The following CLIC6 variants were observed in gnomAD, a reference collection of about 807,000 sequenced individuals.
The protein encoded by CLIC6 is CLIC family member 6.
CLIC6 carries 39 observed loss-of-function variants against 49.2 expected under a neutral mutation model. That is an observed-to-expected ratio of 0.79 (90% CI 0.61 to 1.04). CLIC6 has a LOEUF of 1.04. Among genes scored for constraint, CLIC6 ranks in the 50% least tolerant of loss-of-function variants. The pLI, the probability that CLIC6 is intolerant of heterozygous loss-of-function variation, is 0.00. For missense variants in CLIC6, 988 were observed against 993.1 expected (o/e 0.99, Z 0.07); for synonymous variants, 446 against 433.4 (o/e 1.03, Z -0.36).
At chr21:34,681,857 G>A (rs1989785681) in intron 1 of CLIC6, among the ~76,000 whole-genome samples, 4 of 152,144 alleles carry the variant, frequency 2.6e-5, no homozygotes, top group Admixed American at 6.5e-5. Context: ...AAAAGAAAAG[G>A]CAAAGAATTT....
At position 34,669,362 on chromosome 21, in the gene CLIC6, C is replaced by G. The variant is rs1300180227; in HGVS notation, c.-27C>G. On this transcript the variant is annotated 5_prime_UTR_variant, in exon 1 of 6. Coordinates refer to ENST00000349499, the MANE Select transcript of CLIC6 (RefSeq NM_053277.3). ...CCTTAAGCAGCGTCAAGGAAGGAGTCCCGATCAAGGACAGGGATCTGCGGC... is the reference window on the plus strand; with the variant it reads ...CCTTAAGCAGCGTCAAGGAAGGAGTGCCGATCAAGGACAGGGATCTGCGGC... The G allele has an allele frequency of 3.4e-5, 42 of 1,235,526 alleles. No homozygotes were observed. The highest frequency in any genetic ancestry group is 3.9e-5 in the Non-Finnish European group (39 of 989,604). 76.5% of individuals were successfully genotyped at this position (1,235,526 alleles called of 1,614,324 possible).
chr21:34,670,559 G>A lies in CLIC6; in HGVS notation c.1171G>A (p.Glu391Lys). The change falls in exon 1 of 6, where the codon GAG (glutamate) becomes AAG (lysine). Residue 391 changes from glutamate (E) to lysine (K), a missense_variant. Glu to Lys is a moderately conservative substitution (Grantham distance 56, BLOSUM62 1). Around this residue, in one of 3 missense-constraint regions of CLIC6, gnomAD observed 647 missense variants for 596.9 expected, o/e 1.08. Transcript: ENST00000349499. ...PREEEAAGGE[E>K]ESPDSSPHGE... is the part of the protein sequence containing the mutation. ...GGAGGAGGAAGCAGCGGGGGGCGAA[G>A]AGGAATCCCCCGACAGCAGCCCACA... 6.7e-7 allele frequency: 1 copy of A among 1,503,114 alleles called. No individual in the cohort carries two copies. Among genetic ancestry groups the A allele is most frequent in the Non-Finnish European group, 8.9e-7 (1 of 1,126,754 alleles). The allele number at this position is 1,503,114 out of a possible 1,614,324, so 93.1% of individuals were successfully genotyped here.
Position 34,713,150 on chromosome 21 carries a change from G to A in CLIC6, c.1900-3171G>A, listed in dbSNP as rs200545337. 8.5e-5 allele frequency among the ~76,000 whole-genome samples: 13 copies of A among 152,230 alleles called. 1 individual carries two copies. The East Asian group carries it at 1.7e-3, about 20-fold the overall frequency. On this transcript the variant is annotated intron_variant, in intron 5 of 5. Transcript: ENST00000349499. ...CAGAGTTGATTGAAAAGAAGGGGGTGGGGGGAGGAATGATAAAGACAAGAA... is the reference window on the plus strand; with the variant it reads ...CAGAGTTGATTGAAAAGAAGGGGGTAGGGGGAGGAATGATAAAGACAAGAA...
chr21:34,673,026 T>A (rs1989595936), intron 1 of CLIC6, among the ~76,000 whole-genome samples: 1 of 152,342 alleles, frequency 6.6e-6, no homozygotes, highest in Non-Finnish European at 1.5e-5. Flanking sequence ...TATTTATTTT[T>A]AGGGAAAATC....
At chr21:34,701,049 GA>G (rs751164005) in intron 1 of CLIC6, among the ~76,000 whole-genome samples, 1 of 128,072 alleles carries the variant, frequency 7.8e-6, no homozygotes, top group Non-Finnish European at 1.7e-5. Flanking sequence ...CTTTTTAGGA[GA>G]AAAAAAATCA....
At position 34,701,591 on chromosome 21, in the gene CLIC6, G is replaced by C. The variant is rs548903097; in HGVS notation, c.1375-5689G>C. ...TTTTTTAAAAAAGGGAGAAACTGAG[G>C]CTCAGGGAGAACAACTGAATCGCCC... is the stretch of plus-strand genomic sequence containing the variant. On this transcript the variant is annotated intron_variant, in intron 1 of 5. Transcript: ENST00000349499. 1.8e-4 allele frequency among the ~76,000 whole-genome samples: 28 copies of C among 152,202 alleles called. No homozygotes were observed. The East Asian group carries it at 5.0e-3, about 27-fold the overall frequency.
Position 34,669,814 on chromosome 21 carries a change from G to A in CLIC6, c.426G>A (p.Glu142=), listed in dbSNP as rs1989497194. The A allele has an allele frequency of 1.4e-6, 2 of 1,423,062 alleles. No individual in the cohort carries two copies. Among genetic ancestry groups the A allele is most frequent in the Non-Finnish European group, 1.8e-6 (2 of 1,098,544 alleles). 88.2% of individuals were successfully genotyped at this position (1,423,062 alleles called of 1,614,324 possible). A position where few individuals can be genotyped will look rare whatever the true frequency, so the allele number is the denominator to read the frequency against. Residue 142 remains glutamate, a synonymous_variant, in exon 1 of 6, where the codon GAG becomes GAA. Coordinates refer to ENST00000349499, the MANE Select transcript of CLIC6 (RefSeq NM_053277.3). The part of the protein sequence containing the change: ...SAAPERQEEA[E]QRPEVPEGSA... ...CCCCCGAGAGGCAGGAGGAGGCGGA[G>A]CAGAGGCCTGAGGTCCCGGAAGGTA... is the stretch of plus-strand genomic sequence containing the variant.
At chr21:34,699,746 G>A (rs1408609714) in intron 1 of CLIC6, among the ~76,000 whole-genome samples, 1 of 152,152 alleles carries the variant, frequency 6.6e-6, no homozygotes, top group African/African-American at 2.4e-5. Context: ...ACAGATACAC[G>A]TGAAGTGAGG....
chr21:34,713,380 G>A (rs912308745), intron 5 of CLIC6, among the ~76,000 whole-genome samples: 1 of 152,200 alleles, frequency 6.6e-6, no homozygotes, highest in African/African-American at 2.4e-5. Flanking sequence ...CAGGCTGGAA[G>A]AGCTCAAGAA....
At position 34,670,276 on chromosome 21, in the gene CLIC6, G is replaced by T. The variant is rs1185732878; in HGVS notation, c.888G>T (p.Pro296=). ...AGRARRVSGE[P]QQSGDGSLSP... is the part of the protein sequence containing the mutation. Reference sequence around the variant, plus strand: ...GGGCGCGCCGGGTCTCGGGTGAGCCGCAGCAATCGGGGGACGGCAGCCTCT... The same window carrying T: ...GGGCGCGCCGGGTCTCGGGTGAGCCTCAGCAATCGGGGGACGGCAGCCTCT... Residue 296 remains proline, a synonymous_variant, in exon 1 of 6, where the codon CCG becomes CCT. Transcript: ENST00000349499. 6.9e-7 allele frequency: 1 copy of T among 1,442,688 alleles called. No homozygotes were observed. Among genetic ancestry groups the T allele is most frequent in the South Asian group, 1.4e-5 (1 of 69,036 alleles). 89.4% of individuals were successfully genotyped at this position (1,442,688 alleles called of 1,614,324 possible). A position where few individuals can be genotyped will look rare whatever the true frequency, so the allele number is the denominator to read the frequency against.
chr21:34,709,218 A>C, intron 4 of CLIC6, 139 bp from the exon 5 acceptor site: 1 of 669,016 alleles, frequency 1.5e-6, no homozygotes, highest in African/African-American at 1.8e-5. Context: ...GATATTCTAC[A>C]TCCACCTGCT....
At chr21:34,706,381 CA>C (rs2056015033) in intron 1 of CLIC6, among the ~76,000 whole-genome samples, 1 of 152,230 alleles carries the variant, frequency 6.6e-6, no homozygotes, top group Admixed American at 6.5e-5. Context: ...CCGACCCAAT[CA>C]CTTCCCGTCA....
chr21:34,706,664 C>T (rs1601284616), intron 1 of CLIC6, among the ~76,000 whole-genome samples: 1 of 152,282 alleles, frequency 6.6e-6, no homozygotes, highest in East Asian at 1.9e-4. Flanking sequence ...TCTACCTACC[C>T]TGAATCATGC....
intron 1 of CLIC6, among the ~76,000 whole-genome samples, chr21:34,698,309 TGAAG>T (rs1314658682): frequency 6.6e-6 from 1 of 152,040 alleles, no homozygotes; most frequent in Non-Finnish European, 1.5e-5. Flanking sequence ...TGTCCTGCTC[TGAAG>T]GAATGTCACC....
intron 1 of CLIC6, among the ~76,000 whole-genome samples, chr21:34,698,230 T>C (rs553582162): frequency 6.6e-6 from 1 of 151,910 alleles, no homozygotes; most frequent in Admixed American, 6.6e-5. Flanking sequence ...CCATGGGGAG[T>C]GGGAAGAAAA....
At chr21:34,676,848 A>G (rs1209769428) in intron 1 of CLIC6, among the ~76,000 whole-genome samples, 1 of 152,132 alleles carries the variant, frequency 6.6e-6, no homozygotes, top group Non-Finnish European at 1.5e-5. Flanking sequence ...CTCCTGTCAT[A>G]TTAGTAAAGA....
Position 34,707,966 on chromosome 21 carries a change from C to G in CLIC6, c.1507C>G (p.Leu503Val). 1.2e-6 allele frequency: 2 copies of G among 1,614,172 alleles called. No homozygotes were observed. Among genetic ancestry groups the G allele is most frequent in the East Asian group, 2.2e-5 (1 of 44,880 alleles). ...LKRKPADLQNLAPGTNPPFMT... is the reference protein window; with the variant it reads ...LKRKPADLQNVAPGTNPPFMT... ...TAGGAAACCCGCAGACCTGCAGAAC[C>G]TGGCTCCCGGAACAAACCCTCCTTT... Residue 503 changes from leucine (L) to valine (V), a missense_variant, in exon 3 of 6, where the codon CTG becomes GTG. This residue lies in a region of CLIC6 where 647 missense variants were observed against 596.9 expected (regional missense o/e 1.08). Coordinates refer to ENST00000349499, the MANE Select transcript of CLIC6 (RefSeq NM_053277.3).
chr21:34,701,308 CAAA>C (rs763844976), intron 1 of CLIC6, among the ~76,000 whole-genome samples: 970 of 49,524 alleles, frequency 0.02, 11 homozygotes, highest in African/African-American at 0.072. Context: ...GGCTCCGTCT[CAAA>C]AAAAAAAAAA....
chr21:34,680,027 C>T (rs1184264547), intron 1 of CLIC6, among the ~76,000 whole-genome samples: 4 of 152,250 alleles, frequency 2.6e-5, no homozygotes, highest in African/African-American at 7.2e-5. Flanking sequence ...CCAGTGGGGA[C>T]TCTGTGTGGG....
Sources: gnomAD v4.1 joint callset for allele counts (sites outside exome capture counted in the v4.1 genomes callset) on GRCh38, gnomAD v4.1.1 for gene constraint, gnomAD v4.1.1 regional missense constraint, MANE v1.5 for transcripts, NCBI Gene and HGNC (gene_info 2026-07-23, HGNC 2026-07-21) for gene names.